Variants in NRCAM observed in about 807,000 individuals in gnomAD.
The protein encoded by NRCAM is NgCAM-related cell adhesion molecule.
Under a neutral mutation model 156.5 loss-of-function variants are expected in NRCAM, and 83 were observed. The ratio of observed to expected loss-of-function variants is 0.53; its 90% CI spans 0.44 to 0.64. The LOEUF (loss-of-function observed/expected upper bound fraction) is 0.64, where lower values mean the gene tolerates loss of function less well. Among genes scored for constraint, NRCAM ranks in the 30% least tolerant of loss-of-function variants. The pLI is 0.00. For missense variants in NRCAM, 1,417 were observed against 1,597.3 expected (o/e 0.89, Z 1.92); for synonymous variants, 538 against 563.9 (o/e 0.95, Z 0.65).
In NRCAM at chr7:108,180,268, C is replaced by G; in HGVS notation, c.2806G>C (p.Glu936Gln). The change falls in exon 25 of 33, where the codon GAG (glutamate) becomes CAG (glutamine). Residue 936 changes from glutamate (E) to glutamine (Q), a missense_variant. By Grantham distance (29) the Glu-to-Gln change is conservative. Transcript: ENST00000379028. ...LNVRVVNGKG[E>Q]GPASPDRVFN... ...ACTCTGTCAGGGCTGGCTGGGCCCT[C>G]CCCTTTCCCATTGACCACTCGGACA... is the stretch of plus-strand genomic sequence containing the variant. 2 of 1,614,214 alleles carry G rather than the reference C, an allele frequency of 1.2e-6. No individual in the cohort carries two copies. The highest frequency in any genetic ancestry group is 1.1e-5 in the South Asian group (1 of 91,078).
chr7:108,419,648 C>A (rs578018647), intron 1 of NRCAM, among the ~76,000 whole-genome samples: 1 of 152,344 alleles, frequency 6.6e-6, no homozygotes, highest in South Asian at 2.1e-4. Context: ...TTCAAAGGCA[C>A]TTCTTTTCTC....
chr7:108,213,592 G>T (rs1209228101), intron 11 of NRCAM, among the ~76,000 whole-genome samples: 1 of 152,124 alleles, frequency 6.6e-6, no homozygotes, highest in East Asian at 1.9e-4. Context: ...CATGCAAATG[G>T]ACACCAAAAG....
chr7:108,257,314 C>T (rs1283430736), intron 3 of NRCAM, among the ~76,000 whole-genome samples: 1 of 152,062 alleles, frequency 6.6e-6, no homozygotes, highest in South Asian at 2.1e-4. Flanking sequence ...CCAAACTACA[C>T]TTAAGATGGG....
At chr7:108,153,167 T>C (rs1225771586) in intron 32 of NRCAM, among the ~76,000 whole-genome samples, 1 of 152,108 alleles carries the variant, frequency 6.6e-6, no homozygotes. Flanking sequence ...CAGGCTAATC[T>C]CATTCATGAA....
intron 11 of NRCAM, 147 bp from the exon 12 acceptor site, chr7:108,209,752 A>G (rs543213802): frequency 8.0e-6 from 5 of 626,998 alleles, no homozygotes; most frequent in Non-Finnish European, 1.4e-5. Context: ...CCACACTTTT[A>G]TAAATAATGC....
intron 1 of NRCAM, among the ~76,000 whole-genome samples, chr7:108,449,462 T>C (rs1847935591): frequency 6.6e-6 from 1 of 152,124 alleles, no homozygotes; most frequent in African/African-American, 2.4e-5. Context: ...CAGCTCTCTA[T>C]TGAGGTAAGG....
chr7:108,155,091 TATATATATATACAC>T (rs1302582176), intron 32 of NRCAM, among the ~76,000 whole-genome samples: 1 of 83,202 alleles, frequency 1.2e-5, no homozygotes, highest in African/African-American at 7.5e-5. Flanking sequence ...AAAAGTCATA[TATATATATATACAC>T]ACACACACAC....
At chr7:108,263,470 T>C (rs1427065815) in intron 3 of NRCAM, among the ~76,000 whole-genome samples, 2 of 152,224 alleles carry the variant, frequency 1.3e-5, no homozygotes, top group East Asian at 3.9e-4. Context: ...TGCAGTGTAT[T>C]GCCCTAACTC....
chr7:108,231,012 T>C lies in NRCAM; in HGVS notation c.550+19A>G, dbSNP rs369412890. The C allele has an allele frequency of 1.9e-6, 3 of 1,569,528 alleles. No homozygotes were observed. The highest frequency in any genetic ancestry group is 3.4e-5 in the Admixed American group (2 of 58,732). On this transcript the variant is annotated intron_variant, in intron 8 of 32. Transcript: ENST00000379028. ...CCTAAGACTTTTAAAGAAAGAAAGT[T>C]CATATTATCAAAACTTACAATTATC...
intron 23 of NRCAM, among the ~76,000 whole-genome samples, chr7:108,182,424 A>C (rs946864969): frequency 2.0e-5 from 3 of 152,210 alleles, no homozygotes; most frequent in Admixed American, 2.0e-4. Context: ...CCATAGGGCT[A>C]TCTGTGGGAC....
In NRCAM at chr7:108,415,145, T is replaced by C. The variant is rs181717673; in HGVS notation, c.-331-15552A>G. On this transcript the variant is annotated intron_variant, in intron 1 of 32. Coordinates refer to ENST00000379028, the MANE Select transcript of NRCAM (RefSeq NM_001037132.4). ...CTGTGAGCCAACAGCACAAGGAATCTGGGGGAAGAAACAAGGTCTTCTTGG... is the reference window on the plus strand; with the variant it reads ...CTGTGAGCCAACAGCACAAGGAATCCGGGGGAAGAAACAAGGTCTTCTTGG... Among the ~76,000 whole-genome samples the C allele has an allele frequency of 4.6e-5, 7 of 152,344 alleles. No individual in the cohort carries two copies. The East Asian group carries it at 1.2e-3, about 25-fold the overall frequency.
In NRCAM at chr7:108,207,522, A is replaced by G; in HGVS notation, c.1207+6T>C. 6.2e-7 allele frequency: 1 copy of G among 1,613,638 alleles called. No homozygotes were observed. The highest frequency in any genetic ancestry group is 8.5e-7 in the Non-Finnish European group (1 of 1,179,856). On this transcript the variant is annotated splice_donor_region_variant and intron_variant, in intron 13 of 32. Transcript: ENST00000379028. ...ACTGCAATTAGAACCACTCAAGGCA[A>G]CTTACTTTCTATTGGGACTCCATTT...
chr7:108,439,832 CAAAAAAAA>C (rs34432715), intron 1 of NRCAM, among the ~76,000 whole-genome samples: 1 of 70,448 alleles, frequency 1.4e-5, no homozygotes, highest in Non-Finnish European at 2.6e-5. Context: ...GACTCCGTCA[CAAAAAAAA>C]AAAAAAAAAA....
chr7:108,324,944 C>T (rs1003454358), intron 2 of NRCAM, among the ~76,000 whole-genome samples: 1 of 136,860 alleles, frequency 7.3e-6, no homozygotes, highest in Non-Finnish European at 1.5e-5. Flanking sequence ...CACCACGTAC[C>T]AGGCAAACCT....
chr7:108,362,291 G>A (rs192423031), intron 2 of NRCAM, among the ~76,000 whole-genome samples: 26 of 152,220 alleles, frequency 1.7e-4, no homozygotes, highest in African/African-American at 4.3e-4. Flanking sequence ...TAATCCCATC[G>A]TGAGGGCCCT....
At chr7:108,307,888 A>T (rs2098741770) in intron 3 of NRCAM, among the ~76,000 whole-genome samples, 1 of 152,194 alleles carries the variant, frequency 6.6e-6, no homozygotes. Flanking sequence ...TGGAAGGAAG[A>T]GACATGATAA....
intron 28 of NRCAM, among the ~76,000 whole-genome samples, chr7:108,174,016 G>A (rs2059533605): frequency 6.6e-6 from 1 of 152,044 alleles, no homozygotes; most frequent in Admixed American, 6.5e-5. Context: ...CCACTGCATA[G>A]GAAACAAGGC....
chr7:108,199,846 G>T (rs2077034649), intron 13 of NRCAM, among the ~76,000 whole-genome samples: 1 of 152,124 alleles, frequency 6.6e-6, no homozygotes, highest in South Asian at 2.1e-4. Context: ...ATCATGGCGG[G>T]GTGGGGTAGA....
At chr7:108,365,863 A>G (rs1294867902) in intron 2 of NRCAM, among the ~76,000 whole-genome samples, 1 of 152,140 alleles carries the variant, frequency 6.6e-6, no homozygotes, top group African/African-American at 2.4e-5. Context: ...ATTATTGGAT[A>G]TTTAAGTAAC....
Sources: allele counts gnomAD v4.1 joint callset (sites outside exome capture counted in the v4.1 genomes callset), GRCh38; gene constraint gnomAD v4.1.1; transcripts MANE v1.5; gene names NCBI Gene and HGNC (gene_info 2026-07-23, HGNC 2026-07-21).